MRC1: variants seen among roughly 807,000 people sequenced by gnomAD.
MRC1 encodes mannose receptor C-type 1, also known as macrophage mannose receptor 1.
MRC1 carries 62 observed loss-of-function variants against 102.9 expected under a neutral mutation model. The observed-to-expected ratio is 0.60, with a 90% CI of 0.49 to 0.74. The LOEUF (loss-of-function observed/expected upper bound fraction) is 0.74, where lower values mean the gene tolerates loss of function less well. MRC1 is among the 30% of genes least tolerant of loss of function. The pLI, the probability that MRC1 is intolerant of heterozygous loss-of-function variation, is 0.00. For missense variants in MRC1, 1,237 were observed against 862.8 expected, an observed-to-expected ratio of 1.43 and a Z score of -5.43; for synonymous variants, 457 against 298.4, an observed-to-expected ratio of 1.53 and a Z score of -5.48.
chr10:17,867,080 C>G (rs1305613833), intron 12 of MRC1, among the ~76,000 whole-genome samples: 1 of 148,970 alleles, frequency 6.7e-6, no homozygotes, highest in Non-Finnish European at 1.5e-5. Context: ...TCCATTCCCC[C>G]CTTGCCCTCT....
intron 1 of MRC1, among the ~76,000 whole-genome samples, chr10:17,814,813 C>A (rs1377315453): frequency 6.6e-6 from 1 of 150,872 alleles, no homozygotes; most frequent in Non-Finnish European, 1.5e-5. Context: ...TATAGGCGTG[C>A]ACCACCCTGC....
At chr10:17,848,875 C>T (rs1324396139) in intron 6 of MRC1, among the ~76,000 whole-genome samples, 2 of 152,040 alleles carry the variant, frequency 1.3e-5, no homozygotes, top group Non-Finnish European at 1.5e-5. Flanking sequence ...GCTATGGTGG[C>T]GGAGGCTCCT....
In MRC1 at chr10:17,870,322, T is replaced by C; in HGVS notation, c.2060T>C (p.Leu687Ser). 1.3e-6 allele frequency: 1 copy of C among 780,522 alleles called. No homozygotes were observed. 48.3% of individuals were successfully genotyped at this position (780,522 alleles called of 1,614,324 possible). A position where few individuals can be genotyped will look rare whatever the true frequency, so the allele number is the denominator to read the frequency against. Residue 687 changes from leucine to serine, a missense_variant, in exon 13 of 30, where the codon TTA becomes TCA. Physicochemically the swap from Leu to Ser is moderately radical, Grantham distance 145. Coordinates refer to ENST00000569591, the MANE Select transcript of MRC1 (RefSeq NM_002438.4). ...RDFCRALGGD[L>S]ASINNKEEQQ... is the part of the protein sequence containing the mutation. ...TTTTGTCGAGCTCTGGGTGGAGACT[T>C]AGCTAGCATCAATAACAAAGAGGAA...
chr10:17,894,394 CTTTTTTTTT>C, intron 23 of MRC1, 82 bp downstream of exon 23: 1 of 404,396 alleles, frequency 2.5e-6, no homozygotes, highest in Non-Finnish European at 4.2e-6. Flanking sequence ...TTCTTTCTTT[CTTTTTTTTT>C]TTTTTTTTTT....
chr10:17,906,438 C>T (rs1833896300), intron 26 of MRC1, among the ~76,000 whole-genome samples: 1 of 151,312 alleles, frequency 6.6e-6, no homozygotes, highest in African/African-American at 2.4e-5. Context: ...GAATTATTTT[C>T]TATCCTTTTT....
Position 17,898,259 on chromosome 10 carries a change from G to C in MRC1, c.3476G>C (p.Ser1159Thr). The change falls in exon 24 of 30, where the codon AGT becomes ACT. Residue 1159 changes from serine (S) to threonine (T), a missense_variant. Coordinates refer to ENST00000569591, the MANE Select transcript of MRC1 (RefSeq NM_002438.4). The stretch of plus-strand genomic sequence containing the variant: ...GAACGTGTGTGGATCGCCCTGAACA[G>C]TAACTTGGTAAGATGCTGGAAATAT... ...SNERVWIALN[S>T]NLTDNQYTWT... 1 of 780,434 alleles carries C rather than the reference G, an allele frequency of 1.3e-6. No individual in the cohort carries two copies. Among genetic ancestry groups the C allele is most frequent in the African/African-American group, 1.7e-5 (1 of 59,068 alleles). 48.3% of individuals were successfully genotyped at this position (780,434 alleles called of 1,614,324 possible).
intron 17 of MRC1, among the ~76,000 whole-genome samples, chr10:17,876,574 T>A: frequency 6.6e-6 from 1 of 152,204 alleles, no homozygotes; most frequent in East Asian, 1.9e-4. Flanking sequence ...GCTTGGATTT[T>A]GTGAAGATCA....
At chr10:17,905,600 CTTCTCA>C (rs1192692911) in intron 26 of MRC1, among the ~76,000 whole-genome samples, 2 of 151,198 alleles carry the variant, frequency 1.3e-5, no homozygotes, top group African/African-American at 2.4e-5. Context: ...AAAATGAATG[CTTCTCA>C]TTCTCATTCT....
At chr10:17,838,600 AT>A (rs1838705184) in intron 4 of MRC1, among the ~76,000 whole-genome samples, 1 of 152,132 alleles carries the variant, frequency 6.6e-6, no homozygotes, top group African/African-American at 2.4e-5. Context: ...AATATTGGAC[AT>A]TTGTGTATCT....
intron 4 of MRC1, among the ~76,000 whole-genome samples, chr10:17,835,571 G>T (rs1317059639): frequency 3.3e-5 from 5 of 152,158 alleles, no homozygotes; most frequent in African/African-American, 1.2e-4. Context: ...TGAAAACGGG[G>T]AATGTCTTGT....
intron 6 of MRC1, among the ~76,000 whole-genome samples, chr10:17,845,742 A>G (rs2130634900): frequency 6.6e-6 from 1 of 152,306 alleles, no homozygotes; most frequent in East Asian, 1.9e-4. Context: ...GAGGATACAG[A>G]AACCTTGCAG....
intron 22 of MRC1, among the ~76,000 whole-genome samples, chr10:17,888,999 G>A (rs1045766635): frequency 2.0e-5 from 3 of 152,072 alleles, no homozygotes; most frequent in Admixed American, 6.5e-5. Context: ...AGAATTGTCC[G>A]CTAGATCATT....
At chr10:17,838,388 G>A (rs1838700866) in intron 4 of MRC1, among the ~76,000 whole-genome samples, 1 of 152,038 alleles carries the variant, frequency 6.6e-6, no homozygotes, top group Non-Finnish European at 1.5e-5. Context: ...AAAATGTTGG[G>A]ACGCTCTATG....
intron 12 of MRC1, among the ~76,000 whole-genome samples, chr10:17,868,077 A>C (rs1280281057): frequency 6.6e-6 from 1 of 152,188 alleles, no homozygotes; most frequent in Non-Finnish European, 1.5e-5. Context: ...GAAACCCAGA[A>C]AATAACAAAC....
chr10:17,820,613 A>G (rs925358346), intron 1 of MRC1, among the ~76,000 whole-genome samples: 51 of 152,140 alleles, frequency 3.4e-4, no homozygotes, highest in Non-Finnish European at 6.8e-4. Context: ...AAGGTGGAAG[A>G]TATATTTACT....
chr10:17,849,517 T>A, intron 6 of MRC1, 62 bp from the exon 7 acceptor site: 3 of 755,866 alleles, frequency 4.0e-6, no homozygotes, highest in Non-Finnish European at 7.3e-6. Context: ...ATGATTAAAA[T>A]ATTGTTATAG....
intron 21 of MRC1, among the ~76,000 whole-genome samples, chr10:17,884,983 G>C (rs1833571587): frequency 6.6e-6 from 1 of 152,232 alleles, no homozygotes; most frequent in South Asian, 2.1e-4. Context: ...GACCCAGATA[G>C]GGGCGCACAG....
Position 17,827,372 on chromosome 10 carries a change from C to CAAAAAAAAAAA in MRC1, c.464-142_464-132dup, listed in dbSNP as rs782616938. ...TAGAAGGAGAAGGAAAAAAAATACC[C>CAAAAAAAAAAA]AAAAAAAAAAAAAAAAAAAAAAAAA... On this transcript the variant is annotated intron_variant, in intron 2 of 29. Transcript: ENST00000569591. Among the ~76,000 whole-genome samples the CAAAAAAAAAAA allele has an allele frequency of 8.7e-4, 56 of 64,026 alleles. 22 individuals carry two copies. Among genetic ancestry groups the CAAAAAAAAAAA allele is most frequent in the East Asian group, 2.8e-3 (4 of 1,426 alleles). 42.0% of individuals were successfully genotyped at this position (64,026 alleles called of 152,430 possible).
chr10:17,878,083 C>A, intron 18 of MRC1, 116 bp downstream of exon 18: 1 of 680,952 alleles, frequency 1.5e-6, no homozygotes, highest in South Asian at 1.8e-5. Flanking sequence ...ACAGCATTCT[C>A]AATTGAAAAA....
Sources: gnomAD v4.1 joint callset for allele counts (sites outside exome capture counted in the v4.1 genomes callset) on GRCh38, gnomAD v4.1.1 for gene constraint, MANE v1.5 for transcripts, NCBI Gene and HGNC (gene_info 2026-07-23, HGNC 2026-07-21) for gene names.